Variants in SHISA5 observed in about 807,000 individuals in gnomAD.
The protein encoded by SHISA5 is shisa family member 5.
Under a neutral mutation model 27.5 loss-of-function variants are expected in SHISA5, and 21 were observed. The ratio of observed to expected loss-of-function variants is 0.76; its 90% CI spans 0.54 to 1.10. SHISA5 has a LOEUF of 1.10. Among genes scored for constraint, SHISA5 ranks in the 50% least tolerant of loss-of-function variants. SHISA5 has a pLI of 0.00. For synonymous variants in SHISA5, 137 were observed against 142.2 expected (o/e 0.96, Z 0.26); for missense variants, 314 against 336.3 (o/e 0.93, Z 0.52).
In SHISA5 at chr3:48,470,054, TCC is replaced by T; in HGVS notation, c.315-213_315-212del. On this transcript the variant is annotated intron_variant, in intron 3 of 5. Transcript: ENST00000296444. This position sits in a 1 kb window ranked among gnomAD's most constrained non-coding sequence, Gnocchi z 4.3. ...CCCTGTAACTGTCTCTCCCTGGGTC[TCC>T]CCCGCTTGTCCCACCCTCAGAGGCA... The T allele has an allele frequency of 3.2e-6, 2 of 615,390 alleles. No individual in the cohort carries two copies. The highest frequency in any genetic ancestry group is 5.6e-6 in the Non-Finnish European group (2 of 357,792). The allele number at this position is 615,390 out of a possible 1,614,324, so 38.1% of individuals were successfully genotyped here.
Position 48,470,059 on chromosome 3 carries a change from C to A in SHISA5, c.315-216G>T, listed in dbSNP as rs781574455. The A allele has an allele frequency of 1.5e-5, 9 of 600,248 alleles. No individual in the cohort carries two copies. The highest frequency in any genetic ancestry group is 2.9e-5 in the East Asian group (1 of 34,208). 37.2% of individuals were successfully genotyped at this position (600,248 alleles called of 1,614,324 possible). The stretch of plus-strand genomic sequence containing the variant: ...TAACTGTCTCTCCCTGGGTCTCCCC[C>A]GCTTGTCCCACCCTCAGAGGCATGG... On this transcript the variant is annotated intron_variant, in intron 3 of 5. Transcript: ENST00000296444. The surrounding 1 kb of genome is among the most constrained non-coding windows in gnomAD (Gnocchi z 4.3).
rs1057057452 is a variant in SHISA5, at chr3:48,468,535, T to A, written c.*572A>T. ...AGGCATGACAGGCTCCAGGGAGCAA[T>A]GGGACATCTGCCCAAAGGATCAAAG... On this transcript the variant is annotated 3_prime_UTR_variant, in exon 6 of 6. Transcript: ENST00000296444. 3.2e-5 allele frequency: 38 copies of A among 1,187,162 alleles called. No homozygotes were observed. Among genetic ancestry groups the A allele is most frequent in the Non-Finnish European group, 3.9e-5 (37 of 942,028 alleles). The allele number at this position is 1,187,162 out of a possible 1,614,324, so 73.5% of individuals were successfully genotyped here.
chr3:48,476,840 G>A, intron 3 of SHISA5: 1 of 277,514 alleles, frequency 3.6e-6, no homozygotes, highest in Non-Finnish European at 7.2e-6. Context: ...CGATGCATGG[G>A]CAAAATAGCC....
chr3:48,500,791 G>A (rs541995647), intron 2 of SHISA5, among the ~76,000 whole-genome samples: 142 of 152,258 alleles, frequency 9.3e-4, no homozygotes, highest in Non-Finnish European at 1.7e-3. Flanking sequence ...CATACTGTGG[G>A]GTATAGTCAA....
intron 2 of SHISA5, among the ~76,000 whole-genome samples, chr3:48,499,349 A>G (rs982636567): frequency 6.6e-6 from 1 of 151,632 alleles, no homozygotes; most frequent in African/African-American, 2.4e-5. Context: ...GGCCCTCTAC[A>G]TTAAATTTAA....
intron 2 of SHISA5, among the ~76,000 whole-genome samples, chr3:48,497,593 G>T (rs1198863495): frequency 6.6e-6 from 1 of 151,206 alleles, no homozygotes; most frequent in African/African-American, 2.4e-5. Flanking sequence ...CAATCGGAGG[G>T]TTAAAAAAAA....
At chr3:48,491,260 A>C (rs1281726952) in intron 2 of SHISA5, among the ~76,000 whole-genome samples, 1 of 151,964 alleles carries the variant, frequency 6.6e-6, no homozygotes, top group Non-Finnish European at 1.5e-5. Context: ...CTGGGGCTAC[A>C]AGCGCCCGTC....
intron 1 of SHISA5, among the ~76,000 whole-genome samples, chr3:48,501,678 C>T (rs931836347): frequency 2.0e-5 from 3 of 152,146 alleles, no homozygotes; most frequent in African/African-American, 4.8e-5. Flanking sequence ...CTGAAGATCA[C>T]TCCAGCTCTC....
At chr3:48,498,615 A>C (rs1382024447) in intron 2 of SHISA5, among the ~76,000 whole-genome samples, 1 of 146,472 alleles carries the variant, frequency 6.8e-6, no homozygotes, top group Non-Finnish European at 1.5e-5. Context: ...TGAACCTGGC[A>C]GGTGGAGGTT....
chr3:48,473,517 A>G lies in SHISA5; in HGVS notation c.315-3674T>C. 1 of 1,289,446 alleles carries G rather than the reference A, an allele frequency of 7.8e-7. No individual in the cohort carries two copies. The highest frequency in any genetic ancestry group is 1.0e-6 in the Non-Finnish European group (1 of 988,996). 79.9% of individuals were successfully genotyped at this position (1,289,446 alleles called of 1,614,324 possible). On this transcript the variant is annotated intron_variant, in intron 3 of 5. Coordinates refer to ENST00000296444, the MANE Select transcript of SHISA5 (RefSeq NM_016479.6). This position sits in a 1 kb window ranked among gnomAD's most constrained non-coding sequence, Gnocchi z 4.3. ...GACCCTGGGGCCCTGGCTGACACAC[A>G]TGCAAGGAGCAAAGTCCAGCCTGTC...
rs772346892 is a variant in SHISA5 at position 48,469,740 on chromosome 3, G to A, written c.418C>T (p.Arg140Cys). The A allele has an allele frequency of 8.1e-6, 13 of 1,614,058 alleles. No individual in the cohort carries two copies. Among genetic ancestry groups the A allele is most frequent in the Admixed American group, 1.7e-5 (1 of 59,988 alleles). ...TGGGCACGCTTACGACGTGGTCGGC[G>A]GCACGTCTTGTAAAGGCAGCAGCAG... ...CSCCCLYKTCRRPRPVVTTTT... is the reference protein window; with the variant it reads ...CSCCCLYKTCCRPRPVVTTTT... The change falls in exon 4 of 6, where the codon CGC (arginine) becomes TGC (cysteine). Residue 140 changes from arginine to cysteine, a missense_variant. Transcript: ENST00000296444. This position sits in a 1 kb window ranked among gnomAD's most constrained non-coding sequence, Gnocchi z 4.6.
At position 48,504,113 on chromosome 3, in the gene SHISA5, G is replaced by C; in HGVS notation, c.-19C>G. The C allele has an allele frequency of 6.5e-6, 8 of 1,234,196 alleles. No homozygotes were observed. Among genetic ancestry groups the C allele is most frequent in the Non-Finnish European group, 8.3e-6 (8 of 958,156 alleles). 76.5% of individuals were successfully genotyped at this position (1,234,196 alleles called of 1,614,324 possible). A position where few individuals can be genotyped will look rare whatever the true frequency, so the allele number is the denominator to read the frequency against. The stretch of plus-strand genomic sequence containing the variant: ...CAGTCATGGCTGGGCGGGCGGACGG[G>C]CGGACGGACGCGAGCGCCGGGCGCA... On this transcript the variant is annotated 5_prime_UTR_variant, in exon 1 of 6. Transcript: ENST00000296444. The surrounding 1 kb of genome is among the most constrained non-coding windows in gnomAD (Gnocchi z 4.0).
intron 2 of SHISA5, among the ~76,000 whole-genome samples, chr3:48,486,377 TATA>T (rs1367333260): frequency 2.8e-4 from 26 of 92,704 alleles, no homozygotes; most frequent in Admixed American, 3.3e-4. Context: ...TTATATAATA[TATA>T]ATATGTTATA....
At chr3:48,503,281 C>T (rs2041807829) in intron 1 of SHISA5, 3 of 793,900 alleles carry the variant, frequency 3.8e-6, no homozygotes, top group Admixed American at 4.7e-5. Context: ...AGTGACCGAC[C>T]CTCCTACAGG....
chr3:48,471,265 C>T (rs1036904895), intron 3 of SHISA5, among the ~76,000 whole-genome samples: 2 of 152,236 alleles, frequency 1.3e-5, no homozygotes, highest in Non-Finnish European at 2.9e-5. Context: ...CTTCCCTCCT[C>T]GGCCTCTCAA....
chr3:48,485,513 A>T (rs1049461817), intron 2 of SHISA5, among the ~76,000 whole-genome samples: 1 of 144,152 alleles, frequency 6.9e-6, no homozygotes, highest in African/African-American at 2.5e-5. Flanking sequence ...AAAAATATAT[A>T]TTTTTATATA....
chr3:48,497,555 C>A (rs148109822), intron 2 of SHISA5, among the ~76,000 whole-genome samples: 2 of 151,380 alleles, frequency 1.3e-5, no homozygotes, highest in East Asian at 3.9e-4. Context: ...GCCACCGCAC[C>A]CGGCCAGAAA....
chr3:48,502,332 T>C (rs752894153), intron 1 of SHISA5: 1 of 455,680 alleles, frequency 2.2e-6, no homozygotes, highest in South Asian at 1.6e-5. Context: ...ATACCAGCGT[T>C]CATAAAGCAC....
chr3:48,479,580 A>T, intron 2 of SHISA5: 1 of 341,276 alleles, frequency 2.9e-6, no homozygotes, highest in South Asian at 9.6e-5. Context: ...CCACATTGCC[A>T]CAAAGTTTAT....
Sources: gnomAD v4.1 joint callset for allele counts (sites outside exome capture counted in the v4.1 genomes callset) on GRCh38, gnomAD v4.1.1 for gene constraint, Gnocchi (gnomAD v3.1) non-coding constraint, MANE v1.5 for transcripts, NCBI Gene and HGNC (gene_info 2026-07-23, HGNC 2026-07-21) for gene names.